Variants in CDH12 observed in about 807,000 individuals in gnomAD.
CDH12 encodes cadherin 12.
A neutral mutation model predicts 74.1 loss-of-function variants in CDH12; 41 were observed. The observed-to-expected ratio is 0.55, with a 90% CI of 0.43 to 0.72. CDH12 has a LOEUF of 0.72. Ranked by LOEUF, CDH12 falls within the 30% of genes least tolerant of loss-of-function variation. The pLI is 0.00. For synonymous variants in CDH12, 399 were observed against 355.0 expected (o/e 1.12, Z -1.39); for missense variants, 945 against 977.2 (o/e 0.97, Z 0.44).
intron 3 of CDH12, among the ~76,000 whole-genome samples, chr5:22,348,945 C>G (rs1740239762): frequency 6.6e-6 from 1 of 152,100 alleles, no homozygotes. Context: ...TGTGTCCCCC[C>G]AAAATTCATA....
chr5:22,380,794 T>C (rs750613838), intron 3 of CDH12, among the ~76,000 whole-genome samples: 1 of 152,110 alleles, frequency 6.6e-6, no homozygotes, highest in Non-Finnish European at 1.5e-5. Flanking sequence ...TAAAGCTCAT[T>C]TTTATGTAAA....
chr5:21,883,998 AG>A (rs1752499339), intron 6 of CDH12: 1 of 1,537,398 alleles, frequency 6.5e-7, no homozygotes, highest in Non-Finnish European at 9.0e-7. Context: ...AATTATTAAA[AG>A]AACACTCAAA....
At chr5:22,597,064 A>C (rs1736637192) in intron 1 of CDH12, among the ~76,000 whole-genome samples, 1 of 152,172 alleles carries the variant, frequency 6.6e-6, no homozygotes, top group Non-Finnish European at 1.5e-5. Context: ...AAATAAATTT[A>C]AACAAAAGAA....
intron 6 of CDH12, among the ~76,000 whole-genome samples, chr5:21,914,505 A>T (rs1228689774): frequency 1.3e-5 from 2 of 152,176 alleles, no homozygotes; most frequent in African/African-American, 4.8e-5. Context: ...ACATATATAC[A>T]TACCCATACA....
intron 1 of CDH12, among the ~76,000 whole-genome samples, chr5:22,623,562 CAA>C (rs1337050275): frequency 6.6e-6 from 1 of 152,148 alleles, no homozygotes; most frequent in Non-Finnish European, 1.5e-5. Context: ...CTCCCATTCA[CAA>C]TTGCTTCAAA....
chr5:21,843,301 A>C (rs890313336), intron 7 of CDH12, among the ~76,000 whole-genome samples: 2 of 152,150 alleles, frequency 1.3e-5, no homozygotes, highest in Non-Finnish European at 2.9e-5. Context: ...ATATAATATC[A>C]ACAAAAATAA....
intron 1 of CDH12, among the ~76,000 whole-genome samples, chr5:22,690,123 A>G (rs1742005938): frequency 6.6e-6 from 1 of 152,126 alleles, no homozygotes; most frequent in African/African-American, 2.4e-5. Flanking sequence ...GAAGGCACTC[A>G]CAAACAGAAA....
At chr5:22,403,357 T>C (rs1161456017) in intron 3 of CDH12, among the ~76,000 whole-genome samples, 1 of 152,192 alleles carries the variant, frequency 6.6e-6, no homozygotes, top group Non-Finnish European at 1.5e-5. Flanking sequence ...AAGTCAGCTT[T>C]TGCACCAAAG....
At chr5:21,866,769 G>T (rs1751349320) in intron 6 of CDH12, among the ~76,000 whole-genome samples, 1 of 152,142 alleles carries the variant, frequency 6.6e-6, no homozygotes, top group Admixed American at 6.6e-5. Context: ...CATAAGTAAC[G>T]AGAAGCCAAA....
At chr5:22,254,671 T>A (rs1295456006) in intron 3 of CDH12, among the ~76,000 whole-genome samples, 1 of 151,658 alleles carries the variant, frequency 6.6e-6, no homozygotes, top group East Asian at 1.9e-4. Flanking sequence ...AAATAAAAGT[T>A]AAAAAAAATC....
chr5:22,701,354 T>C (rs565672390), intron 1 of CDH12, among the ~76,000 whole-genome samples: 8 of 152,214 alleles, frequency 5.3e-5, no homozygotes, highest in African/African-American at 1.9e-4. Context: ...CTCCACAGTC[T>C]TGAAATGCTA....
chr5:22,613,954 T>C (rs977732779), intron 1 of CDH12, among the ~76,000 whole-genome samples: 21 of 152,126 alleles, frequency 1.4e-4, no homozygotes, highest in African/African-American at 4.6e-4. Flanking sequence ...ATTTCCTGCT[T>C]AAAAGAAAGT....
intron 1 of CDH12, among the ~76,000 whole-genome samples, chr5:22,760,738 A>G (rs922230134): frequency 1.3e-5 from 2 of 151,914 alleles, no homozygotes; most frequent in African/African-American, 4.8e-5. Context: ...CAATACGTCA[A>G]ACATTCTGAT....
At chr5:21,829,061 C>T (rs570534769) in intron 8 of CDH12, among the ~76,000 whole-genome samples, 3 of 152,118 alleles carry the variant, frequency 2.0e-5, no homozygotes, top group Admixed American at 6.5e-5. Flanking sequence ...TTTGGGAGGC[C>T]GAGGCAGGCA....
Position 22,839,588 on chromosome 5 carries a change from A to G in CDH12, c.-523+13470T>C, listed in dbSNP as rs118164333. Among the ~76,000 whole-genome samples the G allele has an allele frequency of 9.3e-4, 142 of 151,972 alleles. 4 individuals are homozygous for G. The East Asian group carries it at 0.026, about 28-fold the overall frequency. On this transcript the variant is annotated intron_variant, in intron 1 of 14. Coordinates refer to ENST00000382254, the MANE Select transcript of CDH12 (RefSeq NM_004061.5). The stretch of plus-strand genomic sequence containing the variant: ...GCCAGGCTGGTCTTGAACGCCTGAC[A>G]CATGTGTTCCTCCTGCCTCGGCCTC...
rs10072957 is a variant in CDH12 at position 22,609,839 on chromosome 5, T to C, written c.-522-104475A>G. ...GATTGTTGTTTATTCCATTCTGTGT[T>C]AGAGTAAGTCAAATAAAGTAGCAAA... On this transcript the variant is annotated intron_variant, in intron 1 of 14. Coordinates refer to ENST00000382254, the MANE Select transcript of CDH12 (RefSeq NM_004061.5). Among the ~76,000 whole-genome samples, 255 of 152,356 alleles carry C rather than the reference T, an allele frequency of 1.7e-3. 1 individual carries two copies. The highest frequency in any genetic ancestry group is 6.0e-3 in the African/African-American group (250 of 41,588).
chr5:22,436,444 A>T (rs1012444898), intron 2 of CDH12, among the ~76,000 whole-genome samples: 2 of 151,092 alleles, frequency 1.3e-5, no homozygotes, highest in Non-Finnish European at 3.0e-5. Context: ...TATAATAAAA[A>T]AAATATATAT....
At chr5:21,961,407 G>A (rs533318836) in intron 6 of CDH12, among the ~76,000 whole-genome samples, 16 of 151,960 alleles carry the variant, frequency 1.1e-4, no homozygotes, top group African/African-American at 3.4e-4. Flanking sequence ...TGCATTCATT[G>A]TACAGAGCAT....
chr5:22,412,427 C>CTG (rs1743203555), intron 2 of CDH12, among the ~76,000 whole-genome samples: 1 of 151,862 alleles, frequency 6.6e-6, no homozygotes, highest in Admixed American at 6.6e-5. Flanking sequence ...ATTAGAATGT[C>CTG]ATTCTGAATA....
Sources: gnomAD v4.1 joint callset for allele counts (sites outside exome capture counted in the v4.1 genomes callset) on GRCh38, gnomAD v4.1.1 for gene constraint, MANE v1.5 for transcripts, NCBI Gene and HGNC (gene_info 2026-07-23, HGNC 2026-07-21) for gene names.